Variants in SETBP1 observed in about 807,000 individuals in gnomAD.
The protein encoded by SETBP1 is SET binding protein 1, also known as SET-binding protein.
SETBP1 carries 9 observed loss-of-function variants against 101.0 expected under a neutral mutation model. The observed-to-expected ratio is 0.09, with a 90% confidence interval of 0.05 to 0.16. SETBP1 has a LOEUF of 0.16. Among genes scored for constraint, SETBP1 ranks in the 10% least tolerant of loss-of-function variants. The probability of loss-of-function intolerance (pLI) is 1.00; values close to 1 mark genes in which losing one functional copy is unlikely to be tolerated. For missense variants in SETBP1, 1,858 were observed against 2,033.8 expected (o/e 0.91, Z 1.66); for synonymous variants, 818 against 788.5 (o/e 1.04, Z -0.63).
At chr18:44,779,139 A>G (rs1476483721) in intron 2 of SETBP1, among the ~76,000 whole-genome samples, 1 of 152,238 alleles carries the variant, frequency 6.6e-6, no homozygotes, top group Non-Finnish European at 1.5e-5. Context: ...TTGTGACTTC[A>G]GAGAGTCACT....
intron 4 of SETBP1, among the ~76,000 whole-genome samples, chr18:45,033,447 T>C (rs968718520): frequency 1.3e-5 from 2 of 152,196 alleles, no homozygotes; most frequent in African/African-American, 4.8e-5. Context: ...AATAGCATAA[T>C]GCATATCAAA....
chr18:45,065,493 G>C lies in SETBP1; in HGVS notation c.*1795G>C, dbSNP rs1440164011. 1 of 152,216 alleles carries C rather than the reference G, an allele frequency of 6.6e-6. No homozygotes were observed. Among genetic ancestry groups the C allele is most frequent in the Non-Finnish European group, 1.5e-5 (1 of 68,042 alleles). The allele number at this position is 152,216 out of a possible 1,614,324, so 9.4% of individuals were successfully genotyped here. ...GAACACAATATTACTTCCTTAGAGA[G>C]AGATGGATTTTTGTTGGCAACATAA... On this transcript the variant is annotated 3_prime_UTR_variant, in exon 6 of 6. Transcript: ENST00000649279.
chr18:44,938,215 G>A (rs2071007067), intron 3 of SETBP1, among the ~76,000 whole-genome samples: 1 of 152,164 alleles, frequency 6.6e-6, no homozygotes, highest in South Asian at 2.1e-4. Context: ...CCTCCTCTGG[G>A]GAGGATAACA....
At chr18:44,988,608 A>G (rs1446035016) in intron 4 of SETBP1, 1 of 152,218 alleles carries the variant, frequency 6.6e-6, no homozygotes, top group East Asian at 1.9e-4. Flanking sequence ...TTCTGCAGCT[A>G]TCTGCCTATT....
intron 2 of SETBP1, among the ~76,000 whole-genome samples, chr18:44,719,795 C>T (rs946059593): frequency 7.9e-5 from 12 of 152,202 alleles, no homozygotes; most frequent in African/African-American, 2.4e-4. Context: ...CACTTCTGCT[C>T]ATCTTATTTA....
At chr18:44,918,352 G>A (rs564989104) in intron 3 of SETBP1, among the ~76,000 whole-genome samples, 20 of 152,294 alleles carry the variant, frequency 1.3e-4, no homozygotes, top group African/African-American at 2.4e-4. Flanking sequence ...GACCTGGAGC[G>A]TAGGTTTCCC....
At chr18:44,790,394 T>A (rs16978171) in intron 2 of SETBP1, among the ~76,000 whole-genome samples, 20,144 of 152,252 alleles carry the variant, frequency 0.13, 1,442 homozygotes, top group East Asian at 0.22. Flanking sequence ...TTTTGTTGCC[T>A]GAGCAGAAGG....
chr18:44,917,234 T>G (rs2070449757), intron 3 of SETBP1, among the ~76,000 whole-genome samples: 1 of 152,204 alleles, frequency 6.6e-6, no homozygotes. Context: ...CCTTACTTGC[T>G]GCATGTCAGT....
intron 2 of SETBP1, among the ~76,000 whole-genome samples, chr18:44,789,823 C>T (rs1402277253): frequency 6.6e-6 from 1 of 152,150 alleles, no homozygotes; most frequent in Non-Finnish European, 1.5e-5. Context: ...CAAAACCAAC[C>T]ATGACATGCC....
At chr18:44,740,024 G>A (rs1029757174) in intron 2 of SETBP1, among the ~76,000 whole-genome samples, 3 of 152,186 alleles carry the variant, frequency 2.0e-5, no homozygotes, top group Non-Finnish European at 4.4e-5. Flanking sequence ...GAGTTGTCAC[G>A]GTTCCCCTCA....
intron 2 of SETBP1, among the ~76,000 whole-genome samples, chr18:44,853,212 C>T (rs2072907399): frequency 6.6e-6 from 1 of 152,188 alleles, no homozygotes; most frequent in African/African-American, 2.4e-5. Context: ...ACAACTTGCC[C>T]ATGGTAATAG....
chr18:44,683,522 G>A (rs946693086), intron 1 of SETBP1, among the ~76,000 whole-genome samples: 4 of 152,190 alleles, frequency 2.6e-5, no homozygotes, highest in Non-Finnish European at 5.9e-5. Flanking sequence ...GGGATGAATC[G>A]ATACTTGTCT....
intron 4 of SETBP1, among the ~76,000 whole-genome samples, chr18:44,954,341 A>C (rs941318767): frequency 5.3e-5 from 8 of 149,764 alleles, no homozygotes; most frequent in South Asian, 4.3e-4. Context: ...AAAAAAAAAA[A>C]AAAAAAAAAA....
chr18:44,710,740 G>A (rs547899022), intron 2 of SETBP1, among the ~76,000 whole-genome samples: 8 of 152,144 alleles, frequency 5.3e-5, no homozygotes, highest in Non-Finnish European at 7.3e-5. Flanking sequence ...GTGAATGACC[G>A]CACCCAGCCA....
At chr18:44,873,349 CAG>C (rs1268515448) in intron 3 of SETBP1, among the ~76,000 whole-genome samples, 4 of 152,170 alleles carry the variant, frequency 2.6e-5, no homozygotes, top group South Asian at 2.1e-4. Flanking sequence ...GCTTATTTCA[CAG>C]AGAGTATGGG....
intron 2 of SETBP1, among the ~76,000 whole-genome samples, chr18:44,734,971 G>A (rs2069931828): frequency 6.6e-6 from 1 of 152,150 alleles, no homozygotes; most frequent in Admixed American, 6.5e-5. Context: ...AGTGTGTTAT[G>A]TTCCATTTCT....
At chr18:44,838,594 C>T (rs2072545126) in intron 2 of SETBP1, among the ~76,000 whole-genome samples, 1 of 152,152 alleles carries the variant, frequency 6.6e-6, no homozygotes, top group Non-Finnish European at 1.5e-5. Flanking sequence ...GTACCATTTA[C>T]ATCATTCCTT....
chr18:44,863,575 C>T (rs965201532), intron 2 of SETBP1, among the ~76,000 whole-genome samples: 3 of 152,146 alleles, frequency 2.0e-5, no homozygotes, highest in Non-Finnish European at 4.4e-5. Context: ...AAGTGAGTAA[C>T]ACTTTACGAA....
At chr18:44,784,558 A>T (rs959356204) in intron 2 of SETBP1, among the ~76,000 whole-genome samples, 1 of 152,018 alleles carries the variant, frequency 6.6e-6, no homozygotes, top group Non-Finnish European at 1.5e-5. Context: ...GACCTGTTTT[A>T]TTTCCTTCAT....
Sources: gnomAD v4.1 joint callset for allele counts (sites outside exome capture counted in the v4.1 genomes callset) on GRCh38, gnomAD v4.1.1 for gene constraint, MANE v1.5 for transcripts, NCBI Gene and HGNC (gene_info 2026-07-23, HGNC 2026-07-21) for gene names.